KAZN: variants seen among roughly 807,000 people sequenced by gnomAD.
The protein encoded by KAZN is kazrin, periplakin interacting protein.
A neutral mutation model predicts 87.4 loss-of-function variants in KAZN; 40 were observed. The ratio of observed to expected loss-of-function variants is 0.46; its 90% CI spans 0.36 to 0.60. The LOEUF (loss-of-function observed/expected upper bound fraction) is 0.60. KAZN is among the 20% of genes least tolerant of loss of function. The pLI is 0.00. For missense variants in KAZN, 898 were observed against 1,073.9 expected (o/e 0.84, Z 2.29); for synonymous variants, 466 against 458.3 (o/e 1.02, Z -0.22).
intron 1 of KAZN, among the ~76,000 whole-genome samples, chr1:14,002,149 T>C (rs1639822101): frequency 6.6e-6 from 1 of 152,060 alleles, no homozygotes; most frequent in Non-Finnish European, 1.5e-5. Context: ...TTAAAGAAAT[T>C]TACAAGAAAA....
chr1:14,954,220 C>A (rs924795479), intron 1 of KAZN, among the ~76,000 whole-genome samples: 1 of 152,240 alleles, frequency 6.6e-6, no homozygotes, highest in Non-Finnish European at 1.5e-5. Context: ...ATGTTTACTT[C>A]CTGCTACCAT....
chr1:15,070,445 C>T (rs1639454601), intron 8 of KAZN, among the ~76,000 whole-genome samples: 1 of 152,198 alleles, frequency 6.6e-6, no homozygotes, highest in South Asian at 2.1e-4. Flanking sequence ...TGCAGTCCAA[C>T]CCCTGGCTGT....
intron 1 of KAZN, among the ~76,000 whole-genome samples, chr1:14,656,398 A>C (rs1638794380): frequency 6.6e-6 from 1 of 152,122 alleles, no homozygotes; most frequent in Non-Finnish European, 1.5e-5. Flanking sequence ...GCTGGCTGGA[A>C]ACCCCAGGCA....
chr1:14,053,161 G>C (rs1161954710), intron 1 of KAZN, among the ~76,000 whole-genome samples: 1 of 152,198 alleles, frequency 6.6e-6, no homozygotes, highest in Non-Finnish European at 1.5e-5. Context: ...TAGAGTTGCT[G>C]TTGTTCTCCC....
At chr1:13,927,848 A>G (rs1283000502) in intron 1 of KAZN, among the ~76,000 whole-genome samples, 1 of 152,222 alleles carries the variant, frequency 6.6e-6, no homozygotes, top group Admixed American at 6.5e-5. Flanking sequence ...GCAAGGGGCC[A>G]CATTTGGGCT....
intron 1 of KAZN, among the ~76,000 whole-genome samples, chr1:13,986,209 T>G (rs1038070768): frequency 1.3e-5 from 2 of 152,234 alleles, no homozygotes; most frequent in African/African-American, 4.8e-5. Flanking sequence ...ATGTCAAAAT[T>G]TGATCACGAC....
At chr1:14,453,791 G>T (rs2148335990) in intron 2 of KAZN, among the ~76,000 whole-genome samples, 1 of 152,124 alleles carries the variant, frequency 6.6e-6, no homozygotes, top group South Asian at 2.1e-4. Flanking sequence ...AGCCGAGATT[G>T]CACCACTGCA....
intron 1 of KAZN, among the ~76,000 whole-genome samples, chr1:14,007,843 G>A (rs1172458785): frequency 2.0e-5 from 3 of 152,114 alleles, no homozygotes; most frequent in Non-Finnish European, 2.9e-5. Flanking sequence ...ACTCTAAGTC[G>A]GCGGGAGCTA....
intron 1 of KAZN, among the ~76,000 whole-genome samples, chr1:14,868,734 C>G (rs980902716): frequency 6.6e-6 from 1 of 151,748 alleles, no homozygotes; most frequent in Non-Finnish European, 1.5e-5. Context: ...GTCCCAGCTA[C>G]TAGGGAGGCT....
At chr1:14,521,884 A>G (rs907519672) in intron 2 of KAZN, among the ~76,000 whole-genome samples, 2 of 152,342 alleles carry the variant, frequency 1.3e-5, no homozygotes, top group South Asian at 4.1e-4. Flanking sequence ...TTTTAAGTGG[A>G]TAAAAGTGCA....
rs1484030007 is a variant in KAZN at position 14,792,163 on chromosome 1, A to G, written c.227-168521A>G. Among the ~76,000 whole-genome samples the G allele has an allele frequency of 2.0e-5, 3 of 152,210 alleles. No homozygotes were observed. In the East Asian group the frequency reaches 5.8e-4, roughly 29 times the overall value. The stretch of plus-strand genomic sequence containing the variant: ...CCATCCGAAAGGTGGCCATTTATTC[A>G]TTCATTCAGTTGGTGGTTATTTACT... On this transcript the variant is annotated intron_variant, in intron 1 of 14. Transcript: ENST00000376030.
chr1:14,286,062 T>A (rs978435375), intron 2 of KAZN, among the ~76,000 whole-genome samples: 1 of 152,224 alleles, frequency 6.6e-6, no homozygotes, highest in African/African-American at 2.4e-5. Context: ...ACAAGGACCA[T>A]GTCTGTATTA....
At chr1:14,454,176 C>A (rs1051738298) in intron 2 of KAZN, among the ~76,000 whole-genome samples, 1 of 152,184 alleles carries the variant, frequency 6.6e-6, no homozygotes, top group African/African-American at 2.4e-5. Flanking sequence ...AGAGATATCA[C>A]TTCTCCAAGG....
chr1:14,186,546 T>C (rs1197324742), intron 2 of KAZN, among the ~76,000 whole-genome samples: 1 of 152,154 alleles, frequency 6.6e-6, no homozygotes, highest in African/African-American at 2.4e-5. Flanking sequence ...CTCCAACCAT[T>C]TTCTTTCTCT....
chr1:14,300,940 G>T (rs1005222777), intron 2 of KAZN, among the ~76,000 whole-genome samples: 1 of 152,204 alleles, frequency 6.6e-6, no homozygotes, highest in Admixed American at 6.5e-5. Flanking sequence ...TCCCCTGCTA[G>T]AGACCTAGCC....
intron 1 of KAZN, among the ~76,000 whole-genome samples, chr1:14,055,902 G>A (rs1025496784): frequency 3.9e-5 from 6 of 152,112 alleles, no homozygotes; most frequent in Non-Finnish European, 7.3e-5. Context: ...AAATGCTACC[G>A]AGCCTTTTAT....
chr1:14,367,541 T>C (rs1660116282), intron 2 of KAZN, among the ~76,000 whole-genome samples: 1 of 152,174 alleles, frequency 6.6e-6, no homozygotes, highest in African/African-American at 2.4e-5. Flanking sequence ...GTTCTCACTT[T>C]GGACCATGGT....
chr1:14,389,476 TA>T lies in KAZN; in HGVS notation c.249+208893del, dbSNP rs571914036. Among the ~76,000 whole-genome samples, 491 of 131,866 alleles carry T rather than the reference TA, an allele frequency of 3.7e-3. 5 individuals are homozygous for T. Among genetic ancestry groups the T allele is most frequent in the African/African-American group, 0.012 (470 of 39,154 alleles). 86.5% of individuals were successfully genotyped at this position (131,866 alleles called of 152,430 possible). A position where few individuals can be genotyped will look rare whatever the true frequency, so the allele number is the denominator to read the frequency against. Reference sequence around the variant, plus strand: ...CTATATTCATCAACAGATGAATGGATAAAAAAAAATGTTACACATACACAAT... The same window carrying T: ...CTATATTCATCAACAGATGAATGGATAAAAAAAATGTTACACATACACAAT... On this transcript the variant is annotated intron_variant, in intron 2 of 16. Transcript: ENST00000636203.
intron 2 of KAZN, among the ~76,000 whole-genome samples, chr1:14,411,744 G>A (rs1385832792): frequency 2.6e-5 from 4 of 152,144 alleles, no homozygotes; most frequent in Non-Finnish European, 4.4e-5. Context: ...AAAAAAACAT[G>A]TGATTCAACA....
Sources: gnomAD v4.1 joint callset for allele counts (sites outside exome capture counted in the v4.1 genomes callset) on GRCh38, gnomAD v4.1.1 for gene constraint, MANE v1.5 for transcripts, NCBI Gene and HGNC (gene_info 2026-07-23, HGNC 2026-07-21) for gene names.